RHBDF2: variants seen among roughly 807,000 people sequenced by gnomAD.
The protein encoded by RHBDF2 is inactive rhomboid protein 2.
Under a neutral mutation model 95.2 loss-of-function variants are expected in RHBDF2, and 38 were observed. The ratio of observed to expected loss-of-function variants is 0.40; its 90% confidence interval spans 0.31 to 0.52. The LOEUF is 0.52. Among genes scored for constraint, RHBDF2 ranks in the 20% least tolerant of loss-of-function variants. RHBDF2 has a pLI of 0.56. For synonymous variants in RHBDF2, 442 were observed against 462.0 expected (o/e 0.96, Z 0.55); for missense variants, 863 against 1,137.7 (o/e 0.76, Z 3.47).
At chr17:76,493,527 T>C (rs1598168215) in intron 1 of RHBDF2, among the ~76,000 whole-genome samples, 1 of 149,808 alleles carries the variant, frequency 6.7e-6, no homozygotes, top group Non-Finnish European at 1.5e-5. Flanking sequence ...TTGGGGAGAG[T>C]CATGAGAGGC....
chr17:76,491,442 T>G (rs117332946), intron 1 of RHBDF2, among the ~76,000 whole-genome samples: 3,522 of 135,384 alleles, frequency 0.026, 98 homozygotes, highest in South Asian at 0.15. Context: ...TGGGGGGGGG[T>G]CCCGAAGAGA....
chr17:76,477,873 T>C, intron 6 of RHBDF2, 88 bp from the exon 7 acceptor site: 1 of 1,547,126 alleles, frequency 6.5e-7, no homozygotes, highest in Non-Finnish European at 8.7e-7. Context: ...ATCAAGCCCA[T>C]CCGCCTGCAG....
At chr17:76,478,752 G>GGGCGGTAAGCAGAGC in intron 6 of RHBDF2, 54 bp downstream of exon 6, 1 of 1,468,160 alleles carries the variant, frequency 6.8e-7, no homozygotes, top group South Asian at 1.2e-5. Context: ...GAAGGGAGGG[G>GGGCGGTAAGCAGAGC]CAAGGAAGGG....
chr17:76,477,543 G>T, intron 7 of RHBDF2, 114 bp downstream of exon 7: 1 of 1,256,056 alleles, frequency 8.0e-7, no homozygotes. Context: ...CCACATCCCA[G>T]CAGTGGGCCT....
chr17:76,491,666 T>C (rs1328606162), intron 1 of RHBDF2, among the ~76,000 whole-genome samples: 1 of 152,138 alleles, frequency 6.6e-6, no homozygotes, highest in Non-Finnish European at 1.5e-5. Flanking sequence ...AGCCTAAACA[T>C]GGAGTATGGA....
In RHBDF2 at chr17:76,491,434, G is replaced by C. The variant is rs187793890; in HGVS notation, c.-219-3525C>G. On this transcript the variant is annotated intron_variant, in intron 1 of 18. Coordinates refer to ENST00000675367, the MANE Select transcript of RHBDF2 (RefSeq NM_001005498.4). ...TGGTCAGCCCCAGGGCAATCAGTTG[G>C]GGGGGGGTCCCGAAGAGAGGTGGCC... Among the ~76,000 whole-genome samples, 726 of 151,284 alleles carry C rather than the reference G, an allele frequency of 4.8e-3. 7 individuals carry two copies. The highest frequency in any genetic ancestry group is 0.016 in the African/African-American group (654 of 41,460).
intron 1 of RHBDF2, chr17:76,493,231 T>C (rs757420428): frequency 3.9e-5 from 6 of 152,294 alleles, no homozygotes; most frequent in Non-Finnish European, 8.8e-5. Flanking sequence ...TCCCTGCCTG[T>C]GGCCCTGCTG....
Position 76,473,820 on chromosome 17 carries a change from C to G in RHBDF2, c.1638+19G>C. On this transcript the variant is annotated intron_variant, in intron 14 of 18. Transcript: ENST00000675367. ...CCATCCCTGACCTTCCCAGACCACT[C>G]CCCGCCAGGGACACTCACCGGCCAC... The G allele has an allele frequency of 6.2e-7, 1 of 1,613,890 alleles. No individual in the cohort carries two copies. The highest frequency in any genetic ancestry group is 8.5e-7 in the Non-Finnish European group (1 of 1,179,884).
Position 76,479,091 on chromosome 17 carries a change from C to T in RHBDF2, c.459G>A (p.Lys153=). Residue 153 remains lysine (K), a synonymous_variant, in exon 5 of 19, where the codon AAG becomes AAA. Transcript: ENST00000675367. ...FQGTESPKPC[K]MPKIVDPLAR... ...TCCCCATGGATCCCACCTTGGGCATCTTGCAGGGCTTTGGGGACTCAGTGC... is the reference window on the plus strand; with the variant it reads ...TCCCCATGGATCCCACCTTGGGCATTTTGCAGGGCTTTGGGGACTCAGTGC... 1 of 1,613,618 alleles carries T rather than the reference C, an allele frequency of 6.2e-7. No homozygotes were observed. Among genetic ancestry groups the T allele is most frequent in the Non-Finnish European group, 8.5e-7 (1 of 1,179,944 alleles).
intron 4 of RHBDF2, 119 bp downstream of exon 4, chr17:76,479,613 TA>T: frequency 2.6e-6 from 2 of 773,772 alleles, no homozygotes; most frequent in Non-Finnish European, 4.3e-6. Context: ...CATTGCTCAT[TA>T]ATGCCGGCCT....
chr17:76,476,756 G>A (rs1046277390), intron 9 of RHBDF2, 74 bp downstream of exon 9: 50 of 1,480,260 alleles, frequency 3.4e-5, no homozygotes, highest in Non-Finnish European at 1.3e-5. Context: ...AATGAGTAAG[G>A]GGGCGCTTCA....
intron 1 of RHBDF2, among the ~76,000 whole-genome samples, chr17:76,498,974 T>G (rs2074509181): frequency 6.6e-6 from 1 of 152,042 alleles, no homozygotes; most frequent in African/African-American, 2.4e-5. Flanking sequence ...GGTGGGCAAC[T>G]GGGTTCACAC....
At chr17:76,485,949 T>C (rs2074114180) in intron 2 of RHBDF2, among the ~76,000 whole-genome samples, 1 of 151,800 alleles carries the variant, frequency 6.6e-6, no homozygotes, top group Admixed American at 6.6e-5. Context: ...TAGTGGTTCT[T>C]AGGACTGGGA....
At chr17:76,478,571 C>A (rs2073845785) in intron 6 of RHBDF2, among the ~76,000 whole-genome samples, 1 of 152,184 alleles carries the variant, frequency 6.6e-6, no homozygotes, top group Admixed American at 6.5e-5. Context: ...AGTGCAGAGA[C>A]CAGGTTCCAA....
chr17:76,496,904 G>A (rs1236125928), intron 1 of RHBDF2, among the ~76,000 whole-genome samples: 1 of 152,188 alleles, frequency 6.6e-6, no homozygotes, highest in African/African-American at 2.4e-5. Context: ...TGGGACTACA[G>A]GTGCATGCCA....
At chr17:76,480,006 A>ATTGTGTGTGT in intron 3 of RHBDF2, 152 bp from the exon 4 acceptor site, 1 of 598,236 alleles carries the variant, frequency 1.7e-6, no homozygotes. Flanking sequence ...ATATATATAT[A>ATTGTGTGTGT]ATGTGTGTGT....
chr17:76,495,629 A>G (rs1051124975), intron 1 of RHBDF2, among the ~76,000 whole-genome samples: 1 of 152,098 alleles, frequency 6.6e-6, no homozygotes. Flanking sequence ...GCCCAGTGCC[A>G]CCCAGCCAGA....
chr17:76,485,091 G>GA, intron 2 of RHBDF2, among the ~76,000 whole-genome samples: 1 of 152,032 alleles, frequency 6.6e-6, no homozygotes. Context: ...GGCCAACATG[G>GA]TGAAACCCCA....
At chr17:76,477,322 C>T (rs1327763582) in intron 7 of RHBDF2, 24 bp from the exon 8 acceptor site, 1 of 1,608,228 alleles carries the variant, frequency 6.2e-7, no homozygotes. Flanking sequence ...CAAGAAAATA[C>T]AGTGTAAGGA....
Sources: allele counts gnomAD v4.1 joint callset (sites outside exome capture counted in the v4.1 genomes callset), GRCh38; gene constraint gnomAD v4.1.1; transcripts MANE v1.5; gene names NCBI Gene and HGNC (gene_info 2026-07-23, HGNC 2026-07-21).